The following P2RX7 variants were observed in gnomAD, a reference collection of about 807,000 sequenced individuals.
P2RX7 encodes purinergic receptor P2X 7, also known as P2X purinoceptor 7.
A neutral mutation model predicts 71.6 loss-of-function variants in P2RX7; 62 were observed. That is an observed-to-expected ratio of 0.87 (90% CI 0.71 to 1.07). The LOEUF (loss-of-function observed/expected upper bound fraction) is 1.07. P2RX7 is among the 50% of genes least tolerant of loss of function. P2RX7 has a pLI of 0.00. For missense variants in P2RX7, 686 were observed against 748.5 expected (o/e 0.92, Z 0.97); for synonymous variants, 299 against 283.3 (o/e 1.06, Z -0.56).
At chr12:121,181,646 A>T (rs762152163) in intron 12 of P2RX7, among the ~76,000 whole-genome samples, 10 of 152,042 alleles carry the variant, frequency 6.6e-5, no homozygotes, top group Non-Finnish European at 1.0e-4. Flanking sequence ...ACCTGAGGTC[A>T]GGAGTTTGAG....
intron 4 of P2RX7, among the ~76,000 whole-genome samples, chr12:121,161,291 A>AGG (rs1418859573): frequency 1.3e-5 from 2 of 152,208 alleles, no homozygotes; most frequent in Non-Finnish European, 2.9e-5. Flanking sequence ...ATTTCCTCAA[A>AGG]GGTTGAGGAC....
At chr12:121,175,509 G>A in intron 9 of P2RX7, 31 bp downstream of exon 9, 1 of 946,490 alleles carries the variant, frequency 1.1e-6, no homozygotes, top group Non-Finnish European at 1.8e-6. Flanking sequence ...CCGGGCACCG[G>A]CATCCTATGA....
chr12:121,180,529 T>C, intron 12 of P2RX7, 74 bp downstream of exon 12: 1 of 696,522 alleles, frequency 1.4e-6, no homozygotes. Context: ...TCTAGAAACT[T>C]GTACAAATCA....
Position 121,177,345 on chromosome 12 carries a change from T to TG in P2RX7, c.1088dup (p.Cys363TrpfsTer44), listed in dbSNP as rs777732978. The TG allele has an allele frequency of 6.2e-7, 1 of 1,614,022 alleles. No individual in the cohort carries two copies. ...CATCGACACTTACTCCAGTAACTGCTGTCGCTCCCATATTTATCCCTGGTG... is the reference window on the plus strand; with the variant it reads ...CATCGACACTTACTCCAGTAACTGCTGGTCGCTCCCATATTTATCCCTGGTG... On this transcript the variant is annotated frameshift_variant, in exon 11 of 13. Coordinates refer to ENST00000328963, the MANE Select transcript of P2RX7 (RefSeq NM_002562.6). LOFTEE classifies it high-confidence loss of function.
intron 1 of P2RX7, among the ~76,000 whole-genome samples, chr12:121,136,509 T>C (rs576963699): frequency 2.8e-4 from 42 of 151,798 alleles, no homozygotes; most frequent in African/African-American, 9.7e-4. Context: ...TTTGTGGAGA[T>C]GGGGGTCTCC....
intron 1 of P2RX7, among the ~76,000 whole-genome samples, 186 bp downstream of exon 1, chr12:121,133,281 C>A (rs1265330136): frequency 6.6e-6 from 1 of 152,204 alleles, no homozygotes; most frequent in East Asian, 1.9e-4. Flanking sequence ...CAGGCTGCAG[C>A]AGAGAGAAGC....
At chr12:121,173,452 C>T (rs1319250141) in intron 8 of P2RX7, among the ~76,000 whole-genome samples, 1 of 152,152 alleles carries the variant, frequency 6.6e-6, no homozygotes, top group Non-Finnish European at 1.5e-5. Context: ...TCCCAAAGTG[C>T]TGGGATTACA....
chr12:121,175,957 C>G (rs1883043207), intron 9 of P2RX7, among the ~76,000 whole-genome samples: 1 of 152,120 alleles, frequency 6.6e-6, no homozygotes, highest in Admixed American at 6.6e-5. Context: ...CCTCCTTGGT[C>G]TTGGCAGCCA....
chr12:121,156,037 TTTCAAA>T (rs757343268), intron 2 of P2RX7, 36 bp from the exon 3 acceptor site: 1 of 1,539,722 alleles, frequency 6.5e-7, no homozygotes, highest in Non-Finnish European at 9.0e-7. Flanking sequence ...GTAGTTCTCT[TTTCAAA>T]GGCCTTGCAT....
rs924125105 is a variant in P2RX7 at position 121,167,531 on chromosome 12, A to C, written c.788A>C (p.Asp263Ala). 2 of 1,613,666 alleles carry C rather than the reference A, an allele frequency of 1.2e-6. No individual in the cohort carries two copies. Among genetic ancestry groups the C allele is most frequent in the African/African-American group, 2.7e-5 (2 of 74,870 alleles). Residue 263 changes from aspartate (D) to alanine (A), a missense_variant, in exon 8 of 13, where the codon GAC becomes GCC. Physicochemically the swap from Asp to Ala is moderately radical, Grantham distance 126. Transcript: ENST00000328963. Reference protein sequence around the residue: ...GIEIYWDCNLDRWFHHCRPKY... With the variant: ...GIEIYWDCNLARWFHHCRPKY... Reference sequence around the variant, plus strand: ...GAGATCTACTGGGACTGCAACCTAGACCGTTGGTTCCATCACTGCCGTCCC... The same window carrying C: ...GAGATCTACTGGGACTGCAACCTAGCCCGTTGGTTCCATCACTGCCGTCCC...
chr12:121,146,534 C>G (rs964821721), intron 1 of P2RX7, among the ~76,000 whole-genome samples: 1 of 151,992 alleles, frequency 6.6e-6, no homozygotes, highest in Non-Finnish European at 1.5e-5. Flanking sequence ...TCCAGTGATC[C>G]CCCTGCCTCA....
intron 5 of P2RX7, among the ~76,000 whole-genome samples, chr12:121,163,926 A>G (rs751752115): frequency 8.5e-5 from 13 of 152,120 alleles, no homozygotes; most frequent in Non-Finnish European, 1.6e-4. Flanking sequence ...AAGGTTTCCC[A>G]ATGCCGGGAT....
intron 3 of P2RX7, among the ~76,000 whole-genome samples, chr12:121,159,510 T>A (rs1432442894): frequency 6.7e-6 from 1 of 150,134 alleles, no homozygotes; most frequent in Admixed American, 6.6e-5. Context: ...TAGAAAATGG[T>A]GCAGCTACTG....
Position 121,156,136 on chromosome 12 carries a change from T to C in P2RX7, c.352T>C (p.Leu118=). Residue 118 remains leucine, a synonymous_variant, in exon 3 of 13, where the codon TTG becomes CTG. Coordinates refer to ENST00000328963, the MANE Select transcript of P2RX7 (RefSeq NM_002562.6). Reference sequence around the variant, plus strand: ...CAAAACAGAAGGCCAAGAGCAGCGGTTGTGTCCCGAGGTAAGGAGGGGACC... The same window carrying C: ...CAAAACAGAAGGCCAAGAGCAGCGGCTGTGTCCCGAGGTAAGGAGGGGACC... ...FLKTEGQEQR[L]CPEYPTRRTL... 6.2e-7 allele frequency: 1 copy of C among 1,614,084 alleles called. No homozygotes were observed.
chr12:121,156,209 G>T, intron 3 of P2RX7, 62 bp downstream of exon 3: 1 of 1,375,210 alleles, frequency 7.3e-7, no homozygotes, highest in Admixed American at 1.7e-5. Flanking sequence ...GGTGCAAGTC[G>T]GAAGAAGCAG....
chr12:121,165,921 C>T (rs1880911815), intron 6 of P2RX7, 137 bp from the exon 7 acceptor site: 4 of 849,892 alleles, frequency 4.7e-6, no homozygotes, highest in Admixed American at 2.5e-5. Context: ...GAGGCCACTG[C>T]CCAGGGGTCC....
intron 1 of P2RX7, among the ~76,000 whole-genome samples, chr12:121,148,427 C>G (rs1446427996): frequency 6.6e-6 from 1 of 151,880 alleles, no homozygotes; most frequent in African/African-American, 2.4e-5. Flanking sequence ...GTTGCCCAGG[C>G]TGGTCTCAAA....
chr12:121,184,211 A>G, intron 12 of P2RX7, 94 bp from the exon 13 acceptor site: 3 of 1,391,800 alleles, frequency 2.2e-6, no homozygotes, highest in Non-Finnish European at 2.9e-6. Context: ...TAAATCATGT[A>G]ATATTAAACG....
chr12:121,148,995 TG>T, intron 1 of P2RX7: 1 of 507,956 alleles, frequency 2.0e-6, no homozygotes, highest in Non-Finnish European at 3.9e-6. Flanking sequence ...ACCTTTGCGC[TG>T]GAAGCCCAGG....
Sources: gnomAD v4.1 joint callset for allele counts (sites outside exome capture counted in the v4.1 genomes callset) on GRCh38, gnomAD v4.1.1 for gene constraint, MANE v1.5 for transcripts, NCBI Gene and HGNC (gene_info 2026-07-23, HGNC 2026-07-21) for gene names.